The following ATRNL1 variants were observed in gnomAD, a reference collection of about 807,000 sequenced individuals.
ATRNL1 encodes the protein attractin-like protein 1.
In ATRNL1, 95 loss-of-function variants were observed where a neutral mutation model predicts 182.7. The ratio of observed to expected loss-of-function variants is 0.52; its 90% CI spans 0.44 to 0.62. The LOEUF (loss-of-function observed/expected upper bound fraction) is 0.62. Ranked by LOEUF, ATRNL1 falls within the 20% of genes least tolerant of loss-of-function variation. The pLI, the probability that ATRNL1 is intolerant of heterozygous loss-of-function variation, is 0.00. For missense variants in ATRNL1, 1,471 were observed against 1,679.5 expected (o/e 0.88, Z 2.17); for synonymous variants, 576 against 568.3 (o/e 1.01, Z -0.19).
intron 19 of ATRNL1, among the ~76,000 whole-genome samples, chr10:115,368,491 G>C (rs1488392663): frequency 6.6e-5 from 10 of 152,144 alleles, no homozygotes; most frequent in African/African-American, 2.4e-4. Context: ...CTTCTGCGTC[G>C]CTCACGCTGG....
At chr10:115,435,464 A>G (rs1565040170) in intron 21 of ATRNL1, among the ~76,000 whole-genome samples, 2 of 152,140 alleles carry the variant, frequency 1.3e-5, no homozygotes. Context: ...TTGGTCTTCT[A>G]CTTTCCAGCC....
chr10:115,663,227 T>C (rs1860801792), intron 26 of ATRNL1, among the ~76,000 whole-genome samples: 1 of 152,090 alleles, frequency 6.6e-6, no homozygotes, highest in Non-Finnish European at 1.5e-5. Flanking sequence ...AGAATTTAGA[T>C]AACTTGATAT....
chr10:115,824,756 A>T (rs550163228), intron 27 of ATRNL1, among the ~76,000 whole-genome samples: 1 of 152,214 alleles, frequency 6.6e-6, no homozygotes, highest in East Asian at 1.9e-4. Context: ...AGTCATTAAA[A>T]AGTCAGATGC....
chr10:115,116,160 A>G (rs1844476845), intron 1 of ATRNL1, among the ~76,000 whole-genome samples: 1 of 152,068 alleles, frequency 6.6e-6, no homozygotes, highest in Non-Finnish European at 1.5e-5. Context: ...TAAACAAACT[A>G]GTGTAGTTGT....
intron 9 of ATRNL1, among the ~76,000 whole-genome samples, chr10:115,220,723 A>AG (rs1849421404): frequency 1.4e-4 from 1 of 7,360 alleles, no homozygotes; most frequent in Non-Finnish European, 2.5e-4. Flanking sequence ...AAATAAAATA[A>AG]TGGGGGGGGG....
intron 24 of ATRNL1, among the ~76,000 whole-genome samples, chr10:115,511,879 C>G (rs1279319164): frequency 6.6e-6 from 1 of 151,596 alleles, no homozygotes; most frequent in Non-Finnish European, 1.5e-5. Flanking sequence ...AGCATGTTGT[C>G]TTATCAATTA....
chr10:115,597,976 TA>T, intron 26 of ATRNL1: 1 of 162,160 alleles, frequency 6.2e-6, no homozygotes, highest in African/African-American at 2.4e-5. Context: ...TTTAAAAATT[TA>T]AAAAGCTTCA....
intron 25 of ATRNL1, among the ~76,000 whole-genome samples, chr10:115,520,165 G>A (rs1850850888): frequency 6.6e-6 from 1 of 152,140 alleles, no homozygotes; most frequent in African/African-American, 2.4e-5. Flanking sequence ...AAATAGTGCA[G>A]TATGAATTTT....
intron 28 of ATRNL1, among the ~76,000 whole-genome samples, chr10:115,848,326 TC>T (rs1555099564): frequency 6.6e-6 from 1 of 152,200 alleles, no homozygotes. Context: ...CCAGCCAGCT[TC>T]CTTTCTTCCA....
chr10:115,544,488 GA>G lies in ATRNL1; in HGVS notation c.3717-4968del, dbSNP rs1340875340. 2.0e-5 allele frequency among the ~76,000 whole-genome samples: 3 copies of G among 152,148 alleles called. No homozygotes were observed. The East Asian group carries it at 5.8e-4, about 29-fold the overall frequency. On this transcript the variant is annotated intron_variant, in intron 25 of 28. Coordinates refer to ENST00000355044, the MANE Select transcript of ATRNL1 (RefSeq NM_207303.4). ...GAAGTTTACAATCATGGTAGAAGGT[GA>G]AGGGGGGGCAGGCTTGTCACATGGC...
chr10:115,786,031 G>A (rs1593215204), intron 27 of ATRNL1, among the ~76,000 whole-genome samples: 2 of 152,206 alleles, frequency 1.3e-5, no homozygotes, highest in South Asian at 4.2e-4. Context: ...GAAACATTCT[G>A]TTCATGACAA....
chr10:115,863,160 A>T (rs1951354533), intron 28 of ATRNL1, among the ~76,000 whole-genome samples: 1 of 152,124 alleles, frequency 6.6e-6, no homozygotes, highest in Admixed American at 6.6e-5. Flanking sequence ...TTTGTATATA[A>T]CTCTGACCCT....
chr10:115,315,341 A>G (rs982246767), intron 17 of ATRNL1, among the ~76,000 whole-genome samples, 177 bp from the exon 18 acceptor site: 1 of 151,942 alleles, frequency 6.6e-6, no homozygotes, highest in Non-Finnish European at 1.5e-5. Flanking sequence ...TTTGTGATGT[A>G]TGTTTTATTT....
chr10:115,253,453 C>T (rs1554905851), intron 10 of ATRNL1, among the ~76,000 whole-genome samples: 1 of 151,976 alleles, frequency 6.6e-6, no homozygotes, highest in Admixed American at 6.6e-5. Context: ...TGCTAGCAAC[C>T]CAGACAACAA....
chr10:115,906,906 C>A (rs1021206524), intron 28 of ATRNL1, among the ~76,000 whole-genome samples: 1 of 128,716 alleles, frequency 7.8e-6, no homozygotes, highest in Non-Finnish European at 1.5e-5. Context: ...TCTTTATAAT[C>A]CCCTGAGGTT....
At chr10:115,305,741 GTATTGTT>G (rs1853696379) in intron 17 of ATRNL1, among the ~76,000 whole-genome samples, 1 of 152,166 alleles carries the variant, frequency 6.6e-6, no homozygotes, top group South Asian at 2.1e-4. Flanking sequence ...AAACGGCACT[GTATTGTT>G]TAGAAATGCG....
intron 27 of ATRNL1, among the ~76,000 whole-genome samples, chr10:115,733,644 A>T (rs569561767): frequency 1.3e-5 from 2 of 152,318 alleles, no homozygotes; most frequent in East Asian, 3.9e-4. Context: ...GGGCACAGCC[A>T]GTGGTCCCCC....
chr10:115,120,136 T>G (rs189836666), intron 1 of ATRNL1, 49 bp from the exon 2 acceptor site: 1 of 1,162,424 alleles, frequency 8.6e-7, no homozygotes, highest in East Asian at 2.4e-5. Context: ...CTATATGTCT[T>G]AAAGTTATTT....
intron 10 of ATRNL1, among the ~76,000 whole-genome samples, chr10:115,254,268 C>A (rs186873442): frequency 6.6e-6 from 1 of 152,166 alleles, no homozygotes; most frequent in Non-Finnish European, 1.5e-5. Flanking sequence ...TAAAAACATT[C>A]CTATTTCTCC....
Sources: allele counts gnomAD v4.1 joint callset (sites outside exome capture counted in the v4.1 genomes callset), GRCh38; gene constraint gnomAD v4.1.1; transcripts MANE v1.5; gene names NCBI Gene and HGNC (gene_info 2026-07-23, HGNC 2026-07-21).